ALG6: variants seen among roughly 807,000 people sequenced by gnomAD.
The protein encoded by ALG6 is dolichyl pyrophosphate Man9GlcNAc2 alpha-1,3-glucosyltransferase.
ALG6 carries 46 observed loss-of-function variants against 66.6 expected under a neutral mutation model. The ratio of observed to expected loss-of-function variants is 0.69; its 90% CI spans 0.55 to 0.88. ALG6 has a LOEUF of 0.88. Ranked by LOEUF, ALG6 falls within the 40% of genes least tolerant of loss-of-function variation. The pLI, the probability that ALG6 is intolerant of heterozygous loss-of-function variation, is 0.00. For missense variants in ALG6, 505 were observed against 586.8 expected (o/e 0.86, Z 1.44); for synonymous variants, 185 against 203.7 (o/e 0.91, Z 0.78).
intron 2 of ALG6, among the ~76,000 whole-genome samples, chr1:63,382,002 T>G (rs141521718): frequency 6.6e-6 from 1 of 152,140 alleles, no homozygotes; most frequent in Non-Finnish European, 1.5e-5. Context: ...AGCCTCCCAA[T>G]AGAAATGCAT....
chr1:63,380,839 G>A (rs529703285), intron 2 of ALG6, among the ~76,000 whole-genome samples: 1 of 152,256 alleles, frequency 6.6e-6, no homozygotes, highest in East Asian at 1.9e-4. Flanking sequence ...CAGGACTCCA[G>A]CTACTTATTT....
intron 7 of ALG6, 77 bp downstream of exon 7, chr1:63,407,203 T>A: frequency 2.0e-6 from 2 of 983,060 alleles, no homozygotes; most frequent in South Asian, 1.3e-5. Context: ...TGCTGTCATC[T>A]AGTAATGTCT....
intron 6 of ALG6, 30 bp downstream of exon 6, chr1:63,406,429 C>T (rs946644822): frequency 6.4e-7 from 1 of 1,563,164 alleles, no homozygotes; most frequent in Non-Finnish European, 8.8e-7. Context: ...GACAGTTCGT[C>T]TCTGAAATGT....
chr1:63,434,511 G>C (rs1177149988), intron 14 of ALG6, among the ~76,000 whole-genome samples: 1 of 152,222 alleles, frequency 6.6e-6, no homozygotes, highest in Non-Finnish European at 1.5e-5. Flanking sequence ...GGATATATGA[G>C]TCCAGAGTTT....
At chr1:63,408,423 A>G (rs1443294671) in intron 7 of ALG6, among the ~76,000 whole-genome samples, 5 of 152,208 alleles carry the variant, frequency 3.3e-5, no homozygotes, top group Non-Finnish European at 7.4e-5. Context: ...ATGTAATTCT[A>G]TCACTGAGAG....
intron 2 of ALG6, 38 bp from the exon 3 acceptor site, chr1:63,396,474 AG>A (rs755380533): frequency 7.2e-5 from 109 of 1,520,004 alleles, no homozygotes; most frequent in Non-Finnish European, 9.2e-5. Flanking sequence ...GATATGCTAA[AG>A]TACATTGTTG....
intron 8 of ALG6, among the ~76,000 whole-genome samples, chr1:63,411,565 T>C (rs1557591302): frequency 6.6e-6 from 1 of 152,208 alleles, no homozygotes; most frequent in Non-Finnish European, 1.5e-5. Context: ...GTGGATTGGG[T>C]AGTTAGAACT....
chr1:63,400,279 A>G (rs1434374370), intron 3 of ALG6, among the ~76,000 whole-genome samples: 1 of 20,860 alleles, frequency 4.8e-5, no homozygotes, highest in African/African-American at 5.4e-4. Context: ...GTATATATAT[A>G]TACGTATATA....
intron 2 of ALG6, among the ~76,000 whole-genome samples, chr1:63,394,251 A>T (rs1454438760): frequency 6.6e-6 from 1 of 152,228 alleles, no homozygotes; most frequent in Non-Finnish European, 1.5e-5. Context: ...CTTACATGCC[A>T]GTTTAAAAAG....
intron 3 of ALG6, among the ~76,000 whole-genome samples, chr1:63,400,470 T>C (rs1365947883): frequency 6.7e-6 from 1 of 150,092 alleles, no homozygotes; most frequent in African/African-American, 2.5e-5. Flanking sequence ...AGCTATCTTC[T>C]CTTATGCCTC....
chr1:63,412,267 G>A (rs936549108), intron 9 of ALG6, among the ~76,000 whole-genome samples: 3 of 152,082 alleles, frequency 2.0e-5, no homozygotes, highest in Non-Finnish European at 4.4e-5. Context: ...CTATTCGCAG[G>A]GGTAATCATG....
chr1:63,406,463 A>G (rs1397094529), intron 6 of ALG6, 64 bp downstream of exon 6: 37 of 1,375,156 alleles, frequency 2.7e-5, no homozygotes, highest in Middle Eastern at 2.2e-4. Context: ...CTAACTATTA[A>G]GTATAGACCT....
intron 14 of ALG6, among the ~76,000 whole-genome samples, chr1:63,434,108 T>C (rs1644663755): frequency 6.6e-6 from 1 of 152,178 alleles, no homozygotes; most frequent in African/African-American, 2.4e-5. Context: ...TAGTTTCTTA[T>C]AATGGGACTA....
chr1:63,431,578 G>A (rs774559958), intron 14 of ALG6, among the ~76,000 whole-genome samples: 1 of 152,020 alleles, frequency 6.6e-6, no homozygotes, highest in Non-Finnish European at 1.5e-5. Context: ...CACCACACCC[G>A]GCTAATTTTT....
At chr1:63,425,356 T>C (rs1461522293) in intron 12 of ALG6, among the ~76,000 whole-genome samples, 1 of 152,070 alleles carries the variant, frequency 6.6e-6, no homozygotes, top group South Asian at 2.1e-4. Flanking sequence ...ATTGGACAGA[T>C]GTGTGAAGAG....
intron 2 of ALG6, among the ~76,000 whole-genome samples, chr1:63,382,709 T>C (rs1246668169): frequency 6.8e-6 from 1 of 147,590 alleles, no homozygotes; most frequent in Non-Finnish European, 1.5e-5. Context: ...GGAGTCTGGC[T>C]CTGTCGCCCA....
chr1:63,382,923 G>A (rs1416565908), intron 2 of ALG6, among the ~76,000 whole-genome samples: 2 of 151,968 alleles, frequency 1.3e-5, no homozygotes, highest in Non-Finnish European at 2.9e-5. Flanking sequence ...TGATCCGCCC[G>A]TCTCGGCCTC....
At chr1:63,405,238 T>G (rs1037589458) in intron 5 of ALG6, among the ~76,000 whole-genome samples, 4 of 152,120 alleles carry the variant, frequency 2.6e-5, no homozygotes, top group Non-Finnish European at 5.9e-5. Context: ...CCCACACCAC[T>G]GCCCTTCCCT....
intron 12 of ALG6, among the ~76,000 whole-genome samples, chr1:63,421,065 AAAG>A (rs781082532): frequency 2.0e-5 from 3 of 152,094 alleles, no homozygotes; most frequent in Admixed American, 6.6e-5. Flanking sequence ...TAAAAAAAAA[AAAG>A]AAGTGAGTGT....
Sources: allele counts gnomAD v4.1 joint callset (sites outside exome capture counted in the v4.1 genomes callset), GRCh38; gene constraint gnomAD v4.1.1; transcripts MANE v1.5; gene names NCBI Gene and HGNC (gene_info 2026-07-23, HGNC 2026-07-21).